DCLK2: variants seen among roughly 807,000 people sequenced by gnomAD.
DCLK2 encodes serine/threonine-protein kinase DCLK2.
DCLK2 carries 31 observed loss-of-function variants against 78.4 expected under a neutral mutation model. The ratio of observed to expected loss-of-function variants is 0.40; its 90% CI spans 0.30 to 0.53. The LOEUF (loss-of-function observed/expected upper bound fraction) is 0.53. Ranked by LOEUF, DCLK2 falls within the 20% of genes least tolerant of loss-of-function variation. DCLK2 has a pLI of 0.61. For synonymous variants in DCLK2, 407 were observed against 374.9 expected (o/e 1.09, Z -0.99); for missense variants, 872 against 973.7 (o/e 0.90, Z 1.39).
In DCLK2 at chr4:150,214,804, A is replaced by G. The variant is rs1299671311; in HGVS notation, c.1057-5899A>G. Reference sequence around the variant, plus strand: ...TGATGAAACCCCATCTCTACTAAAAATACAAAAATTAGCCAGGCGTGGTGG... The same window carrying G: ...TGATGAAACCCCATCTCTACTAAAAGTACAAAAATTAGCCAGGCGTGGTGG... On this transcript the variant is annotated intron_variant, in intron 5 of 15. Coordinates refer to ENST00000296550, the MANE Select transcript of DCLK2 (RefSeq NM_001040260.4). 2.6e-5 allele frequency among the ~76,000 whole-genome samples: 4 copies of G among 152,024 alleles called. No individual in the cohort carries two copies. In the South Asian group the frequency reaches 6.2e-4, roughly 24 times the overall value.
At chr4:150,094,317 T>C (rs1486362855) in intron 1 of DCLK2, among the ~76,000 whole-genome samples, 2 of 152,232 alleles carry the variant, frequency 1.3e-5, no homozygotes, top group Admixed American at 6.5e-5. Flanking sequence ...GACAAGGGGT[T>C]AATATCTAAC....
At chr4:150,250,451 C>A (rs939130040) in intron 15 of DCLK2, among the ~76,000 whole-genome samples, 1 of 152,096 alleles carries the variant, frequency 6.6e-6, no homozygotes, top group South Asian at 2.1e-4. Flanking sequence ...AAGGCCAGCT[C>A]ACCGTGAGCA....
In DCLK2 at chr4:150,204,505, C is replaced by T. The variant is rs530766840; in HGVS notation, c.1056+616C>T. Among the ~76,000 whole-genome samples the T allele has an allele frequency of 1.9e-3, 291 of 152,216 alleles. 1 individual carries two copies. The highest frequency in any genetic ancestry group is 5.2e-3 in the Admixed American group (80 of 15,296). On this transcript the variant is annotated intron_variant, in intron 5 of 15. Coordinates refer to ENST00000296550, the MANE Select transcript of DCLK2 (RefSeq NM_001040260.4). ...GAGCAAAACCAATTTTGCAAAATTT[C>T]AACAAGTTTTATTTGATGTAGTAGT...
chr4:150,188,513 T>G (rs1317339814), intron 2 of DCLK2, among the ~76,000 whole-genome samples: 1 of 152,084 alleles, frequency 6.6e-6, no homozygotes, highest in Admixed American at 6.5e-5. Context: ...ATTCAGTGAC[T>G]AGAACCTGAA....
At chr4:150,158,372 C>T (rs949234244) in intron 2 of DCLK2, among the ~76,000 whole-genome samples, 9 of 152,158 alleles carry the variant, frequency 5.9e-5, no homozygotes, top group African/African-American at 1.9e-4. Context: ...GAGGGTAGGG[C>T]TTCAACATAT....
At chr4:150,086,753 G>A (rs958523359) in intron 1 of DCLK2, among the ~76,000 whole-genome samples, 16 of 151,972 alleles carry the variant, frequency 1.1e-4, no homozygotes, top group African/African-American at 2.9e-4. Context: ...TGATCTGCCT[G>A]CTTCAGCCTC....
chr4:150,126,207 G>GT (rs1455149206), intron 2 of DCLK2, among the ~76,000 whole-genome samples: 2 of 149,546 alleles, frequency 1.3e-5, no homozygotes, highest in African/African-American at 4.9e-5. Context: ...GACAGAAAAT[G>GT]TTTTTTGGCT....
rs78629944 is a variant in DCLK2, at chr4:150,202,133, T to C, written c.962-1662T>C. On this transcript the variant is annotated intron_variant, in intron 4 of 15. Coordinates refer to ENST00000296550, the MANE Select transcript of DCLK2 (RefSeq NM_001040260.4). ...TTTCTGGGTTTGGACAAGTTTATAA[T>C]GACATATATTCACCATTACAGTATT... Among the ~76,000 whole-genome samples, 855 of 152,320 alleles carry C rather than the reference T, an allele frequency of 5.6e-3. 7 individuals are homozygous for C. The highest frequency in any genetic ancestry group is 0.02 in the African/African-American group (832 of 41,580).
intron 2 of DCLK2, among the ~76,000 whole-genome samples, chr4:150,186,245 C>T (rs1368141562): frequency 2.0e-5 from 3 of 151,500 alleles, no homozygotes; most frequent in African/African-American, 7.3e-5. Context: ...TTTCCTCAGA[C>T]GGATTTAGCG....
chr4:150,198,832 A>G (rs1487606434), intron 4 of DCLK2, among the ~76,000 whole-genome samples: 8 of 152,106 alleles, frequency 5.3e-5, no homozygotes, highest in Non-Finnish European at 1.2e-4. Flanking sequence ...TGTATCAATA[A>G]CAATGGCCTC....
rs369293803 is a variant in DCLK2, at chr4:150,193,096, A to T, written c.757-42A>T. On this transcript the variant is annotated intron_variant, in intron 2 of 15. Coordinates refer to ENST00000296550, the MANE Select transcript of DCLK2 (RefSeq NM_001040260.4). ...TAGTTTTGCTTTTCATTTCACTTCTAATGTGTCTAATTTATTTCTTGGACA... is the reference window on the plus strand; with the variant it reads ...TAGTTTTGCTTTTCATTTCACTTCTTATGTGTCTAATTTATTTCTTGGACA... 7.4e-6 allele frequency: 9 copies of T among 1,208,422 alleles called. No homozygotes were observed. In the Middle Eastern group the frequency reaches 9.5e-4, roughly 127 times the overall value. 74.9% of individuals were successfully genotyped at this position (1,208,422 alleles called of 1,614,324 possible).
intron 2 of DCLK2, among the ~76,000 whole-genome samples, chr4:150,109,540 T>C (rs1000421202): frequency 1.3e-5 from 2 of 152,014 alleles, no homozygotes; most frequent in African/African-American, 4.8e-5. Flanking sequence ...GGTTTCACCA[T>C]GTTGGCCAGG....
intron 12 of DCLK2, among the ~76,000 whole-genome samples, chr4:150,241,519 A>G (rs1742924002): frequency 6.6e-6 from 1 of 152,058 alleles, no homozygotes; most frequent in Non-Finnish European, 1.5e-5. Context: ...CCCTTTGTTC[A>G]TTTTGTAACT....
At chr4:150,107,337 A>G (rs1264215546) in intron 2 of DCLK2, among the ~76,000 whole-genome samples, 4 of 148,310 alleles carry the variant, frequency 2.7e-5, no homozygotes, top group Non-Finnish European at 5.9e-5. Context: ...TTGATGCAAG[A>G]TTGTTAGAAT....
chr4:150,190,235 T>TTAGATAGA (rs35680371), intron 2 of DCLK2, among the ~76,000 whole-genome samples: 36 of 115,566 alleles, frequency 3.1e-4, no homozygotes, highest in South Asian at 1.7e-3. Context: ...AGATGGATAG[T>TTAGATAGA]TAGATAGATA....
chr4:150,143,685 C>T (rs1734259487), intron 2 of DCLK2, among the ~76,000 whole-genome samples: 1 of 152,090 alleles, frequency 6.6e-6, no homozygotes, highest in African/African-American at 2.4e-5. Context: ...AGTGTATAAG[C>T]CTTCCCTTTT....
At chr4:150,137,080 C>G (rs2150207196) in intron 2 of DCLK2, among the ~76,000 whole-genome samples, 1 of 143,508 alleles carries the variant, frequency 7.0e-6, no homozygotes, top group Admixed American at 7.6e-5. Context: ...CTCCTGGGCT[C>G]AAGGGATCCT....
At chr4:150,088,256 A>G (rs750741862) in intron 1 of DCLK2, among the ~76,000 whole-genome samples, 2 of 152,288 alleles carry the variant, frequency 1.3e-5, no homozygotes, top group East Asian at 1.9e-4. Context: ...GAGAAATAGT[A>G]CAGTGTAAAC....
At chr4:150,206,639 A>G (rs1739864477) in intron 5 of DCLK2, among the ~76,000 whole-genome samples, 1 of 152,142 alleles carries the variant, frequency 6.6e-6, no homozygotes, top group Admixed American at 6.5e-5. Context: ...CGAAAAACCT[A>G]ACTAAAAGGC....
Sources: allele counts gnomAD v4.1 joint callset (sites outside exome capture counted in the v4.1 genomes callset), GRCh38; gene constraint gnomAD v4.1.1; transcripts MANE v1.5; gene names NCBI Gene and HGNC (gene_info 2026-07-23, HGNC 2026-07-21).